The following RGS16 variants were observed in gnomAD, a reference collection of about 807,000 sequenced individuals.
RGS16 encodes the protein regulator of G protein signaling 16.
A neutral mutation model predicts 18.1 loss-of-function variants in RGS16; 12 were observed. The observed-to-expected ratio is 0.66, with a 90% confidence interval of 0.42 to 1.07. The LOEUF (loss-of-function observed/expected upper bound fraction) is 1.07. RGS16 is among the 50% of genes least tolerant of loss of function. RGS16 has a pLI of 0.00. For missense variants in RGS16, 238 were observed against 249.2 expected (o/e 0.95, Z 0.30); for synonymous variants, 88 against 102.0 (o/e 0.86, Z 0.83).
intron 2 of RGS16, 41 bp from the exon 3 acceptor site, chr1:182,602,525 C>T: frequency 6.6e-7 from 1 of 1,519,124 alleles, no homozygotes; most frequent in Non-Finnish European, 9.1e-7. Context: ...GAAAAAAAAT[C>T]AACAAACCAA....
At position 182,599,534 on chromosome 1, in the gene RGS16, CGCAGGG is replaced by C. The variant is rs1428876757; in HGVS notation, c.*752_*757del. On this transcript the variant is annotated 3_prime_UTR_variant, in exon 5 of 5. Transcript: ENST00000367558. ...TGCTCACAGGTGGACCCTGCTGCAA[CGCAGGG>C]TCAGGGGCCACCTGCAGGGGGCCAC... 13 of 152,778 alleles carry C rather than the reference CGCAGGG, an allele frequency of 8.5e-5. No homozygotes were observed. Among genetic ancestry groups the C allele is most frequent in the African/African-American group, 3.1e-4 (13 of 41,584 alleles). The allele number at this position is 152,778 out of a possible 1,614,324, so 9.5% of individuals were successfully genotyped here.
At chr1:182,601,817 G>C (rs1661866925) in intron 4 of RGS16, 149 bp downstream of exon 4, 1 of 923,378 alleles carries the variant, frequency 1.1e-6, no homozygotes. Context: ...GGCTTTCCTA[G>C]TCTCTGGTCA....
chr1:182,604,197 T>C lies in RGS16; in HGVS notation c.44+19A>G. On this transcript the variant is annotated intron_variant, in intron 1 of 4. Coordinates refer to ENST00000367558, the MANE Select transcript of RGS16 (RefSeq NM_002928.4). ...AGTTGGTGGGACTTCCCCCAAGCAG[T>C]TGGACAACCTCCCCTTACCTCTCCA... The C allele has an allele frequency of 3.9e-6, 6 of 1,551,578 alleles. No homozygotes were observed. The highest frequency in any genetic ancestry group is 1.4e-5 in the African/African-American group (1 of 73,186).
chr1:182,602,017 G>A lies in RGS16; in HGVS notation c.336C>T (p.Ser112=). Residue 112 remains serine (S), a synonymous_variant, in exon 4 of 5, where the codon TCC becomes TCT. Transcript: ENST00000367558. ...KKIRSATKLA[S]RAHQIFEEFI... ...ACTCCTCAAAGATCTGGTGTGCCCT[G>A]GAGGCCAGCTTGGTAGCTGATCGGA... 3.1e-6 allele frequency: 5 copies of A among 1,614,186 alleles called. No individual in the cohort carries two copies. Among genetic ancestry groups the A allele is most frequent in the Non-Finnish European group, 4.2e-6 (5 of 1,180,038 alleles).
intron 4 of RGS16, 187 bp downstream of exon 4, chr1:182,601,779 T>A (rs1160734716): frequency 2.4e-5 from 16 of 672,572 alleles, no homozygotes; most frequent in Non-Finnish European, 3.8e-5. Context: ...AGTCTTAGGG[T>A]TAAGCACCCA....
At chr1:182,602,512 T>C (rs1213641186) in intron 2 of RGS16, 28 bp from the exon 3 acceptor site, 2 of 1,584,588 alleles carry the variant, frequency 1.3e-6, no homozygotes, top group Non-Finnish European at 1.7e-6. Flanking sequence ...AAAAAAAGAG[T>C]AAGAAAAAAA....
intron 3 of RGS16, 114 bp from the exon 4 acceptor site, chr1:182,602,246 G>T: frequency 7.8e-7 from 1 of 1,276,992 alleles, no homozygotes; most frequent in Non-Finnish European, 1.1e-6. Context: ...TAATTTTCTT[G>T]AACAATGACC....
In RGS16 at chr1:182,600,086, T is replaced by C. The variant is rs1490526183; in HGVS notation, c.*206A>G. 1.2e-5 allele frequency: 7 copies of C among 586,980 alleles called. No homozygotes were observed. Among genetic ancestry groups the C allele is most frequent in the African/African-American group, 7.7e-5 (4 of 52,244 alleles). 36.4% of individuals were successfully genotyped at this position (586,980 alleles called of 1,614,324 possible). ...TTCACAGGTCCTGGAAGTGGGCGGC[T>C]CCTCTCCAGCATGAGTCCCACAGTA... On this transcript the variant is annotated 3_prime_UTR_variant, in exon 5 of 5. Transcript: ENST00000367558.
chr1:182,599,962 G>A lies in RGS16; in HGVS notation c.*330C>T, dbSNP rs1661830877. The A allele has an allele frequency of 2.8e-6, 1 of 363,612 alleles. No individual in the cohort carries two copies. The highest frequency in any genetic ancestry group is 3.5e-5 in the South Asian group (1 of 28,320). 22.5% of individuals were successfully genotyped at this position (363,612 alleles called of 1,614,324 possible). A position where few individuals can be genotyped will look rare whatever the true frequency, so the allele number is the denominator to read the frequency against. ...TCCACATGTTTCCTAAACCACACTA[G>A]AACACTTCCTTCTCCGGTGAGAACG... On this transcript the variant is annotated 3_prime_UTR_variant, in exon 5 of 5. Coordinates refer to ENST00000367558, the MANE Select transcript of RGS16 (RefSeq NM_002928.4).
In RGS16 at chr1:182,600,795, T is replaced by A. The variant is rs545258515; in HGVS notation, c.388-282A>T. On this transcript the variant is annotated intron_variant, in intron 4 of 4. Transcript: ENST00000367558. The stretch of plus-strand genomic sequence containing the variant: ...CTACAGCAACCCTGCTTCAAGTCAC[T>A]ATCAGCTCTCCTGGGATTTGCACCA... Among the ~76,000 whole-genome samples the A allele has an allele frequency of 3.3e-5, 5 of 152,332 alleles. No homozygotes were observed. In the South Asian group the frequency reaches 1.0e-3, roughly 32 times the overall value.
Position 182,602,484 on chromosome 1 carries a change from A to G in RGS16, c.156T>C (p.Asn52=). 6.2e-7 allele frequency: 1 copy of G among 1,612,800 alleles called. No individual in the cohort carries two copies. Among genetic ancestry groups the G allele is most frequent in the Non-Finnish European group, 8.5e-7 (1 of 1,179,388 alleles). ...CCAGCACATCTTCTGAGAAGTTTCT[A>G]CTAAAAGACAAAAAGAAAAAAAAAG... ...FEWGSKHSKE[N]RNFSEDVLGW... is the part of the protein sequence containing the mutation. Residue 52 remains asparagine, a splice_region_variant and synonymous_variant, in exon 3 of 5, where the codon AAT becomes AAC. Coordinates refer to ENST00000367558, the MANE Select transcript of RGS16 (RefSeq NM_002928.4).
At chr1:182,602,654 A>G (rs1033890807) in intron 2 of RGS16, among the ~76,000 whole-genome samples, 170 bp from the exon 3 acceptor site, 8 of 152,246 alleles carry the variant, frequency 5.3e-5, no homozygotes, top group Non-Finnish European at 1.0e-4. Flanking sequence ...TAGGGTAAGC[A>G]GTAGTGCTTT....
chr1:182,604,229 T>C lies in RGS16; in HGVS notation c.31A>G (p.Thr11Ala). The change falls in exon 1 of 5, where the codon ACC becomes GCC. Residue 11 changes from threonine (T) to alanine (A), a missense_variant. Thr to Ala is a moderately conservative substitution (Grantham distance 58). Transcript: ENST00000367558. Reference protein sequence around the residue: MCRTLAAFPTTCLERAKEFKT... With the variant: MCRTLAAFPTACLERAKEFKT... ...ACCTCCCCTTACCTCTCCAGGCAGG[T>C]GGTGGGGAAGGCGGCCAGGGTGCGG... 6.4e-7 allele frequency: 1 copy of C among 1,551,442 alleles called. No homozygotes were observed. Among genetic ancestry groups the C allele is most frequent in the South Asian group, 1.2e-5 (1 of 84,078 alleles).
intron 4 of RGS16, 164 bp downstream of exon 4, chr1:182,601,802 G>C: frequency 1.3e-6 from 1 of 790,766 alleles, no homozygotes; most frequent in South Asian, 1.6e-5. Context: ...AGTGGCACTG[G>C]GCCTGGCTTT....
Position 182,600,184 on chromosome 1 carries a change from TC to T in RGS16, c.*107del. On this transcript the variant is annotated 3_prime_UTR_variant, in exon 5 of 5. Transcript: ENST00000367558. The stretch of plus-strand genomic sequence containing the variant: ...TTTTTTTTTTTTTTTTTTTTTTTTG[TC>T]CTCTTGCACTTGCTTTGCAGAACCT... 3.7e-4 allele frequency: 155 copies of T among 417,596 alleles called. No homozygotes were observed. The highest frequency in any genetic ancestry group is 1.3e-3 in the South Asian group (36 of 27,374). The allele number at this position is 417,596 out of a possible 1,614,324, so 25.9% of individuals were successfully genotyped here.
rs775178585 is a variant in RGS16, at chr1:182,600,090, C to T, written c.*202G>A. On this transcript the variant is annotated 3_prime_UTR_variant, in exon 5 of 5. Transcript: ENST00000367558. ...CAGGTCCTGGAAGTGGGCGGCTCCTCTCCAGCATGAGTCCCACAGTATCTG... is the reference window on the plus strand; with the variant it reads ...CAGGTCCTGGAAGTGGGCGGCTCCTTTCCAGCATGAGTCCCACAGTATCTG... 3 of 593,376 alleles carry T rather than the reference C, an allele frequency of 5.1e-6. No individual in the cohort carries two copies. Among genetic ancestry groups the T allele is most frequent in the South Asian group, 2.1e-5 (1 of 48,424 alleles). 36.8% of individuals were successfully genotyped at this position (593,376 alleles called of 1,614,324 possible). A position where few individuals can be genotyped will look rare whatever the true frequency, so the allele number is the denominator to read the frequency against.
At chr1:182,601,421 A>G (rs1299715857) in intron 4 of RGS16, among the ~76,000 whole-genome samples, 1 of 152,210 alleles carries the variant, frequency 6.6e-6, no homozygotes, top group African/African-American at 2.4e-5. Context: ...GGGGCTCAAT[A>G]CACCTTTACA....
chr1:182,599,423 C>G lies in RGS16; in HGVS notation c.*869G>C, dbSNP rs951157005. ...TGGAAAAGCCACTCCCCGAGGCCTCCACACTTTGTTCTCCTGGGCCCTGCC... is the reference window on the plus strand; with the variant it reads ...TGGAAAAGCCACTCCCCGAGGCCTCGACACTTTGTTCTCCTGGGCCCTGCC... On this transcript the variant is annotated 3_prime_UTR_variant, in exon 5 of 5. Coordinates refer to ENST00000367558, the MANE Select transcript of RGS16 (RefSeq NM_002928.4). The G allele has an allele frequency of 3.9e-5, 6 of 152,406 alleles. No individual in the cohort carries two copies. The highest frequency in any genetic ancestry group is 3.3e-4 in the Admixed American group (5 of 15,288). 9.4% of individuals were successfully genotyped at this position (152,406 alleles called of 1,614,324 possible).
At chr1:182,602,600 C>A in intron 2 of RGS16, 116 bp from the exon 3 acceptor site, 2 of 864,116 alleles carry the variant, frequency 2.3e-6, no homozygotes, top group Middle Eastern at 3.0e-4. Flanking sequence ...GAAAGGCTTG[C>A]TTGGTGATTG....
Sources: gnomAD v4.1 joint callset for allele counts (sites outside exome capture counted in the v4.1 genomes callset) on GRCh38, gnomAD v4.1.1 for gene constraint, MANE v1.5 for transcripts, NCBI Gene and HGNC (gene_info 2026-07-23, HGNC 2026-07-21) for gene names.